VTI1A: variants seen among roughly 807,000 people sequenced by gnomAD.
VTI1A encodes vesicle transport through interaction with t-SNAREs 1A.
A neutral mutation model predicts 34.9 loss-of-function variants in VTI1A; 22 were observed. The observed-to-expected ratio is 0.63, with a 90% confidence interval of 0.45 to 0.90. The LOEUF (loss-of-function observed/expected upper bound fraction) is 0.90. Ranked by LOEUF, VTI1A falls within the 40% of genes least tolerant of loss-of-function variation. VTI1A has a pLI of 0.00. For synonymous variants in VTI1A, 87 were observed against 97.3 expected (o/e 0.89, Z 0.62); for missense variants, 268 against 275.6 (o/e 0.97, Z 0.20).
chr10:112,512,035 G>A (rs905836440), intron 3 of VTI1A, among the ~76,000 whole-genome samples: 1 of 152,102 alleles, frequency 6.6e-6, no homozygotes, highest in Non-Finnish European at 1.5e-5. Context: ...GCTAGTGCAG[G>A]TATCTCTTTG....
the VTI1A span, chr10:112,827,029 T>C: frequency 6.6e-6 from 1 of 152,198 alleles, no homozygotes; most frequent in Non-Finnish European, 1.5e-5. Context: ...TCCCATTTGG[T>C]TTCTACAGCT....
intron 5 of VTI1A, among the ~76,000 whole-genome samples, chr10:112,540,395 T>C (rs765091454): frequency 6.6e-6 from 1 of 152,208 alleles, no homozygotes; most frequent in Non-Finnish European, 1.5e-5. Context: ...GTATGAAGTG[T>C]TATAAAATTA....
chr10:112,537,311 G>GTGTATATATATATATA (rs1419438697), intron 4 of VTI1A, among the ~76,000 whole-genome samples: 8 of 65,274 alleles, frequency 1.2e-4, no homozygotes, highest in Admixed American at 3.8e-4. Flanking sequence ...AAGTATCTAG[G>GTGTATATATATATATA]TATATATATA....
At chr10:112,828,507 G>A in the VTI1A span, among the ~76,000 whole-genome samples, 4 of 151,994 alleles carry the variant, frequency 2.6e-5, no homozygotes, top group Non-Finnish European at 4.4e-5. Context: ...CTGGGTTCAC[G>A]CAATTCTCCT....
intron 5 of VTI1A, among the ~76,000 whole-genome samples, chr10:112,633,466 C>A (rs531449985): frequency 2.6e-5 from 4 of 152,100 alleles, no homozygotes; most frequent in African/African-American, 4.8e-5. Flanking sequence ...AATTTCTGTC[C>A]TCCCTATGCT....
intron 5 of VTI1A, among the ~76,000 whole-genome samples, chr10:112,624,650 A>G (rs1845855033): frequency 6.6e-6 from 1 of 152,236 alleles, no homozygotes; most frequent in African/African-American, 2.4e-5. Flanking sequence ...AAAATGGCTC[A>G]AACCTCATAA....
At chr10:112,782,208 A>T (rs969905529) in intron 7 of VTI1A, among the ~76,000 whole-genome samples, 4 of 152,228 alleles carry the variant, frequency 2.6e-5, no homozygotes, top group Admixed American at 2.6e-4. Context: ...CACAGACCTC[A>T]TCAGAGCGCT....
intron 5 of VTI1A, among the ~76,000 whole-genome samples, chr10:112,541,126 AT>A (rs889765244): frequency 9.2e-5 from 14 of 151,598 alleles, no homozygotes; most frequent in South Asian, 6.3e-4. Flanking sequence ...GGTAGAAGTT[AT>A]TTTTTTTTCT....
intron 5 of VTI1A, among the ~76,000 whole-genome samples, chr10:112,610,935 T>G (rs1182411799): frequency 6.6e-6 from 1 of 151,204 alleles, no homozygotes; most frequent in Non-Finnish European, 1.5e-5. Flanking sequence ...AAAAAAAAAG[T>G]ATTACATTCC....
At chr10:112,463,490 A>G (rs1000581020) in intron 2 of VTI1A, among the ~76,000 whole-genome samples, 7 of 152,216 alleles carry the variant, frequency 4.6e-5, no homozygotes, top group Non-Finnish European at 1.5e-5. Flanking sequence ...TTCCAGGACT[A>G]ATAAGTAGTA....
intron 7 of VTI1A, among the ~76,000 whole-genome samples, chr10:112,688,616 G>T (rs1474789131): frequency 6.7e-6 from 1 of 149,978 alleles, no homozygotes; most frequent in Non-Finnish European, 1.5e-5. Flanking sequence ...CCGCCTCCTA[G>T]GTTCAAGCCG....
chr10:112,557,216 C>T (rs913409810), intron 5 of VTI1A, among the ~76,000 whole-genome samples: 2 of 152,004 alleles, frequency 1.3e-5, no homozygotes, highest in African/African-American at 4.8e-5. Flanking sequence ...AATTTGTCAA[C>T]ATTTCAATAT....
In VTI1A at chr10:112,526,139, C is replaced by T. The variant is rs942502745; in HGVS notation, c.265-948C>T. Among the ~76,000 whole-genome samples the T allele has an allele frequency of 5.9e-5, 9 of 152,290 alleles. No homozygotes were observed. The East Asian group carries it at 1.2e-3, about 20-fold the overall frequency. ...TCTGAATTTAGGTCTGAAATAGTGA[C>T]GCTGAAGTGGGATCTGAGGCCCACA... On this transcript the variant is annotated intron_variant, in intron 3 of 7. Transcript: ENST00000393077.
chr10:112,643,488 A>T (rs1408539263), intron 5 of VTI1A, among the ~76,000 whole-genome samples: 1 of 152,172 alleles, frequency 6.6e-6, no homozygotes, highest in East Asian at 1.9e-4. Flanking sequence ...TACTCTTGAG[A>T]CCATTGTACA....
At chr10:112,793,495 G>A (rs1852561266) in intron 7 of VTI1A, among the ~76,000 whole-genome samples, 1 of 152,034 alleles carries the variant, frequency 6.6e-6, no homozygotes, top group South Asian at 2.1e-4. Flanking sequence ...TAATCTCTAG[G>A]GCATATTATA....
chr10:112,604,086 T>C (rs1489512250), intron 5 of VTI1A, among the ~76,000 whole-genome samples: 2 of 152,158 alleles, frequency 1.3e-5, no homozygotes, highest in Non-Finnish European at 2.9e-5. Flanking sequence ...AGGGTGGGGA[T>C]ACGAGTGACC....
rs189590696 is a variant in VTI1A, at chr10:112,501,470, A to G, written c.265-25617A>G. Among the ~76,000 whole-genome samples, 20 of 152,330 alleles carry G rather than the reference A, an allele frequency of 1.3e-4. No individual in the cohort carries two copies. The East Asian group carries it at 3.7e-3, about 28-fold the overall frequency. The stretch of plus-strand genomic sequence containing the variant: ...AAAATTCTTAAAAGATATTTACAAA[A>G]AAATGAACAAAAAGAAAGAAATGAA... On this transcript the variant is annotated intron_variant, in intron 3 of 7. Coordinates refer to ENST00000393077, the MANE Select transcript of VTI1A (RefSeq NM_145206.4).
chr10:112,852,977 G>C, the VTI1A span, among the ~76,000 whole-genome samples: 1 of 152,072 alleles, frequency 6.6e-6, no homozygotes. Flanking sequence ...GTAGAGATGG[G>C]GTTTCACCAT....
chr10:112,773,105 A>C (rs1039741427), intron 7 of VTI1A, among the ~76,000 whole-genome samples: 1 of 152,204 alleles, frequency 6.6e-6, no homozygotes, highest in African/African-American at 2.4e-5. Context: ...TTTGGGTAGA[A>C]GTAGGATGTA....
Sources: allele counts gnomAD v4.1 joint callset (sites outside exome capture counted in the v4.1 genomes callset), GRCh38; gene constraint gnomAD v4.1.1; transcripts MANE v1.5; gene names NCBI Gene and HGNC (gene_info 2026-07-23, HGNC 2026-07-21).